The following SGCD variants were observed in gnomAD, a reference collection of about 807,000 sequenced individuals.
SGCD encodes the protein delta-sarcoglycan.
Under a neutral mutation model 36.6 loss-of-function variants are expected in SGCD, and 18 were observed. That is an observed-to-expected ratio of 0.49 (90% CI 0.34 to 0.73). The LOEUF (loss-of-function observed/expected upper bound fraction) is 0.73. Ranked by LOEUF, SGCD falls within the 30% of genes least tolerant of loss-of-function variation. SGCD has a pLI of 0.01. For missense variants in SGCD, 387 were observed against 346.7 expected, an observed-to-expected ratio of 1.12 and a Z score of -0.92; for synonymous variants, 133 against 130.6, an observed-to-expected ratio of 1.02 and a Z score of -0.12.
chr5:156,266,777 G>GTTT (rs67300215), intron 3 of SGCD, among the ~76,000 whole-genome samples: 4 of 137,700 alleles, frequency 2.9e-5, no homozygotes, highest in Non-Finnish European at 4.8e-5. Flanking sequence ...TGGCCCCACT[G>GTTT]TTTTTTTTTT....
chr5:156,486,177 T>C (rs1317658751), intron 3 of SGCD, among the ~76,000 whole-genome samples: 1 of 151,884 alleles, frequency 6.6e-6, no homozygotes, highest in Non-Finnish European at 1.5e-5. Flanking sequence ...TGCCATCCCT[T>C]CATGTCCACC....
At chr5:155,835,271 G>C in the SGCD span, among the ~76,000 whole-genome samples, 1 of 151,994 alleles carries the variant, frequency 6.6e-6, no homozygotes, top group African/African-American at 2.4e-5. Context: ...GCCTCCCTAA[G>C]TGCTGGGATT....
intron 1 of SGCD, among the ~76,000 whole-genome samples, chr5:155,965,365 A>G (rs1469051990): frequency 6.6e-6 from 1 of 152,078 alleles, no homozygotes; most frequent in Non-Finnish European, 1.5e-5. Flanking sequence ...GTCCTCTCCC[A>G]GCTCCTTTCT....
At chr5:156,750,693 A>AATT (rs1474174501) in intron 7 of SGCD, among the ~76,000 whole-genome samples, 43 of 152,046 alleles carry the variant, frequency 2.8e-4, no homozygotes, top group Admixed American at 2.0e-3. Context: ...AAATTAACAT[A>AATT]ATTTATAGTT....
chr5:156,657,510 C>G (rs924484709), intron 7 of SGCD, among the ~76,000 whole-genome samples: 1 of 150,668 alleles, frequency 6.6e-6, no homozygotes, highest in Non-Finnish European at 1.5e-5. Context: ...TGCCTATGAT[C>G]CCAGCACTTT....
At chr5:156,254,297 A>G (rs1765657462) in intron 3 of SGCD, among the ~76,000 whole-genome samples, 1 of 152,200 alleles carries the variant, frequency 6.6e-6, no homozygotes, top group Non-Finnish European at 1.5e-5. Context: ...ATATGTATAC[A>G]TGTGCCATGT....
chr5:155,801,102 G>C, the SGCD span, among the ~76,000 whole-genome samples: 9 of 152,248 alleles, frequency 5.9e-5, no homozygotes, highest in East Asian at 9.7e-4. Flanking sequence ...GATTGGAACT[G>C]ATCCACCTCT....
intron 4 of SGCD, among the ~76,000 whole-genome samples, chr5:156,525,645 G>A (rs1319092101): frequency 6.6e-6 from 1 of 151,810 alleles, no homozygotes; most frequent in Non-Finnish European, 1.5e-5. Flanking sequence ...TAAGAAAAAA[G>A]TCATTTCAAA....
intron 3 of SGCD, among the ~76,000 whole-genome samples, chr5:156,305,641 T>A (rs1442171632): frequency 6.6e-6 from 1 of 152,060 alleles, no homozygotes; most frequent in East Asian, 1.9e-4. Flanking sequence ...AAGAGCACCG[T>A]CATCCTCCAG....
At chr5:156,360,880 C>A (rs1237668284) in intron 3 of SGCD, among the ~76,000 whole-genome samples, 1 of 146,922 alleles carries the variant, frequency 6.8e-6, no homozygotes, top group Admixed American at 6.7e-5. Context: ...GGATGCCAGA[C>A]AAGGGCTTGG....
At chr5:155,779,567 A>G in the SGCD span, among the ~76,000 whole-genome samples, 34 of 152,048 alleles carry the variant, frequency 2.2e-4, no homozygotes, top group African/African-American at 7.5e-4. Flanking sequence ...TTTTCTCACT[A>G]TTTTCATCTT....
chr5:156,639,838 T>G (rs1306621979), intron 6 of SGCD, among the ~76,000 whole-genome samples: 4 of 148,852 alleles, frequency 2.7e-5, no homozygotes, highest in South Asian at 2.1e-4. Flanking sequence ...TATTCTCATG[T>G]TTTTTTTTTC....
intron 3 of SGCD, among the ~76,000 whole-genome samples, chr5:156,415,356 T>G (rs1772971474): frequency 6.6e-6 from 1 of 152,218 alleles, no homozygotes; most frequent in South Asian, 2.1e-4. Context: ...ATGGCATTAA[T>G]AAACACAAAT....
intron 7 of SGCD, among the ~76,000 whole-genome samples, chr5:156,740,050 A>AACAGAAG (rs1756589301): frequency 6.6e-6 from 1 of 152,204 alleles, no homozygotes; most frequent in Non-Finnish European, 1.5e-5. Context: ...TTAACTCAAA[A>AACAGAAG]ATAGAAGATG....
chr5:156,549,322 T>C (rs1173037471), intron 4 of SGCD, among the ~76,000 whole-genome samples: 1 of 152,212 alleles, frequency 6.6e-6, no homozygotes, highest in Non-Finnish European at 1.5e-5. Context: ...TCAGCCTAGA[T>C]GTGAACATGG....
intron 7 of SGCD, among the ~76,000 whole-genome samples, chr5:156,654,968 G>A (rs916942909): frequency 6.6e-6 from 1 of 152,016 alleles, no homozygotes; most frequent in Non-Finnish European, 1.5e-5. Flanking sequence ...TTAAAAATAT[G>A]TAAAAAGGAC....
intron 3 of SGCD, among the ~76,000 whole-genome samples, chr5:156,266,369 A>AT (rs1766000074): frequency 6.6e-6 from 1 of 152,366 alleles, no homozygotes; most frequent in South Asian, 2.1e-4. Context: ...TAAACCAGTA[A>AT]TGTCAAAAAT....
intron 6 of SGCD, among the ~76,000 whole-genome samples, chr5:156,608,400 T>C (rs1761593571): frequency 6.6e-6 from 1 of 152,258 alleles, no homozygotes; most frequent in Non-Finnish European, 1.5e-5. Context: ...TGCACTGTGG[T>C]CTGAGAGACA....
intron 6 of SGCD, among the ~76,000 whole-genome samples, chr5:156,609,278 G>A (rs1581249407): frequency 6.6e-6 from 1 of 152,132 alleles, no homozygotes; most frequent in Admixed American, 6.5e-5. Flanking sequence ...TGTCTGTAAA[G>A]TATTTTATTT....
Sources: gnomAD v4.1 joint callset for allele counts (sites outside exome capture counted in the v4.1 genomes callset) on GRCh38, gnomAD v4.1.1 for gene constraint, MANE v1.5 for transcripts, NCBI Gene and HGNC (gene_info 2026-07-23, HGNC 2026-07-21) for gene names.